The following CLPB variants were observed in gnomAD, a reference collection of about 807,000 sequenced individuals.
CLPB encodes the protein ClpB family mitochondrial disaggregase.
CLPB carries 40 observed loss-of-function variants against 78.4 expected under a neutral mutation model. That is an observed-to-expected ratio of 0.51 (90% CI 0.40 to 0.66). The LOEUF (loss-of-function observed/expected upper bound fraction) is 0.66, where lower values mean the gene tolerates loss of function less well. Ranked by LOEUF, CLPB falls within the 30% of genes least tolerant of loss-of-function variation. The pLI, the probability that CLPB is intolerant of heterozygous loss-of-function variation, is 0.00. For missense variants in CLPB, 780 were observed against 886.9 expected, an observed-to-expected ratio of 0.88 and a Z score of 1.53; for synonymous variants, 333 against 348.0, an observed-to-expected ratio of 0.96 and a Z score of 0.48.
chr11:72,384,983 G>A (rs1037877344), intron 3 of CLPB, among the ~76,000 whole-genome samples: 3 of 152,126 alleles, frequency 2.0e-5, no homozygotes, highest in African/African-American at 7.2e-5. Context: ...CAATGGACAG[G>A]TCATCCAGAA....
At chr11:72,349,078 T>TA (rs1237712016) in intron 5 of CLPB, among the ~76,000 whole-genome samples, 1 of 152,238 alleles carries the variant, frequency 6.6e-6, no homozygotes, top group Non-Finnish European at 1.5e-5. Flanking sequence ...AGTTGCTGAA[T>TA]AAATAAATAC....
chr11:72,406,206 A>G (rs1855704369), intron 2 of CLPB, among the ~76,000 whole-genome samples: 1 of 152,098 alleles, frequency 6.6e-6, no homozygotes, highest in Non-Finnish European at 1.5e-5. Flanking sequence ...GGAAAATGAG[A>G]AAGGAGGGTG....
chr11:72,385,006 A>C (rs1381251061), intron 3 of CLPB, among the ~76,000 whole-genome samples: 2 of 152,354 alleles, frequency 1.3e-5, no homozygotes, highest in East Asian at 1.9e-4. Context: ...AAAACCAATA[A>C]GGAAATGTCT....
At chr11:72,300,001 C>T (rs1280409694) in intron 11 of CLPB, among the ~76,000 whole-genome samples, 1 of 152,178 alleles carries the variant, frequency 6.6e-6, no homozygotes, top group Non-Finnish European at 1.5e-5. Context: ...GACCAGAGAT[C>T]AAACAGGCCG....
intron 4 of CLPB, among the ~76,000 whole-genome samples, chr11:72,366,332 A>C (rs1339003952): frequency 6.6e-6 from 1 of 152,144 alleles, no homozygotes; most frequent in Non-Finnish European, 1.5e-5. Flanking sequence ...CCTCTGTGTC[A>C]GCCTCCCACA....
chr11:72,340,177 G>A (rs1950394868), intron 5 of CLPB, among the ~76,000 whole-genome samples: 1 of 152,170 alleles, frequency 6.6e-6, no homozygotes, highest in Non-Finnish European at 1.5e-5. Context: ...CGTCACACGG[G>A]GAGGCTAGAA....
At chr11:72,389,543 G>T (rs963311090) in intron 3 of CLPB, among the ~76,000 whole-genome samples, 1 of 152,132 alleles carries the variant, frequency 6.6e-6, no homozygotes, top group Non-Finnish European at 1.5e-5. Flanking sequence ...AGTAAAACAG[G>T]CCACTCAATT....
At chr11:72,370,567 T>C (rs2135649694) in intron 4 of CLPB, among the ~76,000 whole-genome samples, 1 of 152,324 alleles carries the variant, frequency 6.6e-6, no homozygotes, top group South Asian at 2.1e-4. Flanking sequence ...ATACAGCTTT[T>C]GGCCTGGCAG....
intron 3 of CLPB, among the ~76,000 whole-genome samples, chr11:72,391,085 A>C (rs911525884): frequency 7.9e-5 from 12 of 152,134 alleles, no homozygotes; most frequent in Admixed American, 7.9e-4. Flanking sequence ...GAACTTGACC[A>C]TTTGTTCCAA....
At chr11:72,297,631 G>A (rs1248198522) in intron 11 of CLPB, among the ~76,000 whole-genome samples, 1 of 141,506 alleles carries the variant, frequency 7.1e-6, no homozygotes, top group Non-Finnish European at 1.5e-5. Context: ...TAGTTTTGGG[G>A]ACCAGGTGTG....
intron 7 of CLPB, among the ~76,000 whole-genome samples, chr11:72,309,757 C>T (rs1949810509): frequency 6.6e-6 from 1 of 152,144 alleles, no homozygotes; most frequent in African/African-American, 2.4e-5. Context: ...AAAGAGAGTA[C>T]TGTGTAATGT....
chr11:72,366,174 T>A (rs1279171105), intron 4 of CLPB, among the ~76,000 whole-genome samples: 1 of 152,190 alleles, frequency 6.6e-6, no homozygotes, highest in Non-Finnish European at 1.5e-5. Flanking sequence ...GACACTGGTC[T>A]AATATCCAGA....
At chr11:72,358,401 C>T (rs1950762652) in intron 5 of CLPB, among the ~76,000 whole-genome samples, 1 of 152,080 alleles carries the variant, frequency 6.6e-6, no homozygotes, top group Non-Finnish European at 1.5e-5. Context: ...GGTGCCATGA[C>T]CCAGAGTAAT....
chr11:72,398,284 C>T (rs1855465621), intron 3 of CLPB, among the ~76,000 whole-genome samples: 1 of 152,232 alleles, frequency 6.6e-6, no homozygotes, highest in Non-Finnish European at 1.5e-5. Context: ...CAAATGCCAT[C>T]TGAAGGAGCT....
At chr11:72,376,981 T>G (rs1184942057) in intron 4 of CLPB, among the ~76,000 whole-genome samples, 2 of 152,200 alleles carry the variant, frequency 1.3e-5, no homozygotes, top group Non-Finnish European at 2.9e-5. Flanking sequence ...TTTATAACAG[T>G]TCTTAAACAC....
intron 6 of CLPB, among the ~76,000 whole-genome samples, chr11:72,326,419 A>G (rs996145797): frequency 6.6e-6 from 1 of 152,232 alleles, no homozygotes; most frequent in African/African-American, 2.4e-5. Flanking sequence ...AACCTGGCAC[A>G]TAGATGTCAT....
At chr11:72,388,713 T>C (rs1267295111) in intron 3 of CLPB, among the ~76,000 whole-genome samples, 1 of 152,138 alleles carries the variant, frequency 6.6e-6, no homozygotes, top group Admixed American at 6.5e-5. Context: ...TTATAAAGTA[T>C]CTAACCAAGA....
chr11:72,297,728 C>CTG (rs925498279), intron 11 of CLPB, among the ~76,000 whole-genome samples: 9 of 134,048 alleles, frequency 6.7e-5, no homozygotes, highest in African/African-American at 1.9e-4. Flanking sequence ...GTGCATATGA[C>CTG]TGTGTGTGTG....
At chr11:72,359,731 T>A (rs1336460140) in intron 4 of CLPB, among the ~76,000 whole-genome samples, 1 of 152,240 alleles carries the variant, frequency 6.6e-6, no homozygotes. Context: ...GTATCCCCTA[T>A]AAAATTGGAA....
Sources: allele counts gnomAD v4.1 joint callset (sites outside exome capture counted in the v4.1 genomes callset), GRCh38; gene constraint gnomAD v4.1.1; transcripts MANE v1.5; gene names NCBI Gene and HGNC (gene_info 2026-07-23, HGNC 2026-07-21).